SLC2A9: variants seen among roughly 807,000 people sequenced by gnomAD.
SLC2A9 encodes solute carrier family 2 member 9.
Under a neutral mutation model 50.6 loss-of-function variants are expected in SLC2A9, and 39 were observed. That is an observed-to-expected ratio of 0.77 (90% CI 0.60 to 1.01). SLC2A9 has a LOEUF of 1.01. Among genes scored for constraint, SLC2A9 ranks in the 50% least tolerant of loss-of-function variants. The pLI, the probability that SLC2A9 is intolerant of heterozygous loss-of-function variation, is 0.00. For missense variants in SLC2A9, 686 were observed against 677.6 expected (o/e 1.01, Z -0.14); for synonymous variants, 324 against 276.9 (o/e 1.17, Z -1.69).
rs1439024667 is a variant in SLC2A9, at chr4:9,980,741, T to A, written c.536-4A>T. ...GGGAGCACACTGAGGGCGACGCCTG[T>A]AGAGAGAAAGCATAGCAGCAGTTAG... On this transcript the variant is annotated splice_polypyrimidine_tract_variant and splice_region_variant and intron_variant, in intron 4 of 11. Coordinates refer to ENST00000264784, the MANE Select transcript of SLC2A9 (RefSeq NM_020041.3). The A allele has an allele frequency of 1.2e-5, 19 of 1,614,154 alleles. No individual in the cohort carries two copies. Among genetic ancestry groups the A allele is most frequent in the Non-Finnish European group, 1.5e-5 (18 of 1,180,006 alleles).
At chr4:10,035,385 G>C (rs916128207) in intron 1 of SLC2A9, 16 of 152,250 alleles carry the variant, frequency 1.1e-4, no homozygotes, top group Admixed American at 9.2e-4. Context: ...AAGATGTTCA[G>C]GAGCTCATCC....
chr4:9,944,363 T>C (rs1748731269), intron 5 of SLC2A9, among the ~76,000 whole-genome samples: 2 of 152,260 alleles, frequency 1.3e-5, no homozygotes, highest in African/African-American at 4.8e-5. Context: ...TCAGTGTTTT[T>C]GGAATCTTAG....
At chr4:9,886,214 T>C (rs867337680) in intron 10 of SLC2A9, among the ~76,000 whole-genome samples, 1 of 152,200 alleles carries the variant, frequency 6.6e-6, no homozygotes, top group African/African-American at 2.4e-5. Flanking sequence ...CAGGCTAGCA[T>C]AGGGCCGTAG....
At chr4:9,906,067 A>G (rs1478950764) in intron 8 of SLC2A9, among the ~76,000 whole-genome samples, 1 of 152,200 alleles carries the variant, frequency 6.6e-6, no homozygotes, top group Admixed American at 6.5e-5. Flanking sequence ...AATAGTTACC[A>G]CTTACTGGGT....
rs759557243 is a variant in SLC2A9 at position 9,782,200 on chromosome 4, C to T, written n.386-2135G>A. ...TACTCATCATCTGGACCCTGCTGGG[C>T]AACGTGCTGGTGTGCGCAGCCATCG... is the stretch of plus-strand genomic sequence containing the variant. On this transcript the variant is annotated intron_variant and non_coding_transcript_variant, in intron 3 of 3. Coordinates refer to the SLC2A9 transcript ENST00000503803. 21 of 1,609,558 alleles carry T rather than the reference C, an allele frequency of 1.3e-5. No individual in the cohort carries two copies. The African/African-American group carries it at 2.8e-4, about 21-fold the overall frequency.
intron 11 of SLC2A9, among the ~76,000 whole-genome samples, chr4:9,829,044 C>G (rs1294823378): frequency 6.6e-6 from 1 of 152,190 alleles, no homozygotes; most frequent in African/African-American, 2.4e-5. Context: ...GCTTGGCTTT[C>G]TTTTCCCAAG....
chr4:9,914,248 G>A (rs6845125), intron 7 of SLC2A9, among the ~76,000 whole-genome samples: 3,369 of 152,266 alleles, frequency 0.022, 144 homozygotes, highest in African/African-American at 0.077. Flanking sequence ...AGAGGAAATG[G>A]GAGCACCAGG....
chr4:9,951,249 T>G (rs1750198958), intron 5 of SLC2A9, among the ~76,000 whole-genome samples: 1 of 152,066 alleles, frequency 6.6e-6, no homozygotes, highest in Non-Finnish European at 1.5e-5. Context: ...AAAAGACAAA[T>G]ATTGCATGTT....
chr4:9,986,546 C>G (rs560694717), intron 3 of SLC2A9, among the ~76,000 whole-genome samples: 9 of 152,262 alleles, frequency 5.9e-5, no homozygotes, highest in Non-Finnish European at 1.5e-5. Flanking sequence ...TAGGAGACAA[C>G]AGCTTGACAA....
chr4:9,856,075 C>T (rs770902880), intron 10 of SLC2A9, among the ~76,000 whole-genome samples: 22 of 152,228 alleles, frequency 1.4e-4, no homozygotes, highest in Admixed American at 3.3e-4. Context: ...ATGACAAAGA[C>T]GCCAAAAGCC....
intron 3 of SLC2A9, chr4:9,799,303 T>TTTAC (rs1474624831): frequency 2.0e-5 from 3 of 151,938 alleles, no homozygotes; most frequent in African/African-American, 2.4e-5. Context: ...TATTTATTTA[T>TTTAC]TTATTTATTT....
chr4:10,029,582 A>ATAT (rs1763868469), intron 1 of SLC2A9, among the ~76,000 whole-genome samples: 1 of 122,352 alleles, frequency 8.2e-6, no homozygotes. Flanking sequence ...TTATATTTTT[A>ATAT]TTTTATTTTA....
chr4:9,837,158 A>G (rs1369976445), intron 10 of SLC2A9, among the ~76,000 whole-genome samples: 1 of 152,196 alleles, frequency 6.6e-6, no homozygotes, highest in African/African-American at 2.4e-5. Context: ...GGCATTTCCC[A>G]CAGAGTAGAT....
At chr4:9,972,364 A>G (rs1381825339) in intron 5 of SLC2A9, among the ~76,000 whole-genome samples, 1 of 150,576 alleles carries the variant, frequency 6.6e-6, no homozygotes, top group African/African-American at 2.4e-5. Context: ...AGAAATAGCT[A>G]ATTGATTTGT....
chr4:9,779,789 G>A (rs1718094190), downstream of SLC2A9: 1 of 151,878 alleles, frequency 6.6e-6, no homozygotes, highest in African/African-American at 2.4e-5. Context: ...TATAACCAGT[G>A]GGTAAAACAA....
chr4:9,818,308 C>T (rs1226656394), intron 3 of SLC2A9, among the ~76,000 whole-genome samples: 1 of 152,228 alleles, frequency 6.6e-6, no homozygotes. Context: ...GAGGACTAAT[C>T]TTCTGGCTCA....
chr4:9,813,829 C>T (rs572301063), intron 3 of SLC2A9, among the ~76,000 whole-genome samples: 1 of 152,240 alleles, frequency 6.6e-6, no homozygotes, highest in South Asian at 2.1e-4. Context: ...GGTGATGTGG[C>T]TCACACCTGT....
intron 6 of SLC2A9, among the ~76,000 whole-genome samples, chr4:9,930,372 G>A (rs890866167): frequency 6.6e-6 from 1 of 152,216 alleles, no homozygotes; most frequent in African/African-American, 2.4e-5. Context: ...GTAGGAGGGA[G>A]AGCCAGAAAG....
chr4:9,852,521 G>T (rs1730132055), intron 10 of SLC2A9, among the ~76,000 whole-genome samples: 1 of 152,050 alleles, frequency 6.6e-6, no homozygotes, highest in South Asian at 2.1e-4. Context: ...CAAAGTGCTG[G>T]GATTACAGGC....
Sources: allele counts gnomAD v4.1 joint callset (sites outside exome capture counted in the v4.1 genomes callset), GRCh38; gene constraint gnomAD v4.1.1; transcripts MANE v1.5; gene names NCBI Gene and HGNC (gene_info 2026-07-23, HGNC 2026-07-21).